SLC31A1: variants seen among roughly 807,000 people sequenced by gnomAD.
The protein encoded by SLC31A1 is solute carrier family 31 member 1.
In SLC31A1, 5 loss-of-function variants were observed where a neutral mutation model predicts 17.2. The observed-to-expected ratio is 0.29, with a 90% confidence interval of 0.15 to 0.61. The LOEUF is 0.61. Among genes scored for constraint, SLC31A1 ranks in the 20% least tolerant of loss-of-function variants. SLC31A1 has a pLI of 0.86. For synonymous variants in SLC31A1, 76 were observed against 78.8 expected, an observed-to-expected ratio of 0.96 and a Z score of 0.19; for missense variants, 161 against 241.4, an observed-to-expected ratio of 0.67 and a Z score of 2.21.
Position 113,264,431 on chromosome 9 carries a change from G to A in SLC31A1, c.*3958G>A, listed in dbSNP as rs1831832019. The stretch of plus-strand genomic sequence containing the variant: ...CCTGGAGAGCAGTATTGCTGTAGTA[G>A]GAATGTTTTAACAGTGTCATATGAA... On this transcript the variant is annotated 3_prime_UTR_variant, in exon 5 of 5. Transcript: ENST00000374212. The A allele has an allele frequency of 6.6e-6, 1 of 152,530 alleles. No individual in the cohort carries two copies. Among genetic ancestry groups the A allele is most frequent in the South Asian group, 2.1e-4 (1 of 4,826 alleles). The allele number at this position is 152,530 out of a possible 1,614,324, so 9.4% of individuals were successfully genotyped here.
intron 1 of SLC31A1, 148 bp from the exon 2 acceptor site, chr9:113,255,966 C>T (rs1416776763): frequency 1.8e-6 from 1 of 554,576 alleles, no homozygotes; most frequent in Non-Finnish European, 3.0e-6. Context: ...GTCAAAACTC[C>T]TGTACTGATC....
chr9:113,247,844 A>G (rs1415647374), intron 1 of SLC31A1, among the ~76,000 whole-genome samples: 2 of 152,210 alleles, frequency 1.3e-5, no homozygotes, highest in African/African-American at 4.8e-5. Context: ...ACAAGTTGGC[A>G]CATAGCCAAC....
intron 1 of SLC31A1, among the ~76,000 whole-genome samples, chr9:113,230,853 AC>A (rs1304091183): frequency 6.6e-6 from 1 of 152,044 alleles, no homozygotes; most frequent in Non-Finnish European, 1.5e-5. Flanking sequence ...TAACCTACTA[AC>A]TTTTCTTTTC....
At chr9:113,247,114 T>G (rs541895143) in intron 1 of SLC31A1, among the ~76,000 whole-genome samples, 1 of 152,346 alleles carries the variant, frequency 6.6e-6, no homozygotes, top group Admixed American at 6.5e-5. Flanking sequence ...GGTAGTGTAC[T>G]GTCTTTGACC....
intron 1 of SLC31A1, among the ~76,000 whole-genome samples, chr9:113,234,706 T>C (rs887493492): frequency 2.6e-5 from 4 of 152,086 alleles, no homozygotes; most frequent in African/African-American, 9.7e-5. Context: ...CCATAATTTT[T>C]ATTTTTACCC....
chr9:113,230,923 C>G (rs991815576), intron 1 of SLC31A1, among the ~76,000 whole-genome samples: 1 of 152,082 alleles, frequency 6.6e-6, no homozygotes, highest in African/African-American at 2.4e-5. Flanking sequence ...GTGAAATTTT[C>G]CCTGTTCAAT....
intron 1 of SLC31A1, among the ~76,000 whole-genome samples, chr9:113,246,551 C>T (rs1355219620): frequency 6.6e-6 from 1 of 151,964 alleles, no homozygotes; most frequent in Non-Finnish European, 1.5e-5. Flanking sequence ...CAAGGTTTCA[C>T]CATGCTAGCC....
intron 1 of SLC31A1, among the ~76,000 whole-genome samples, chr9:113,240,942 C>G (rs1831514713): frequency 6.6e-6 from 1 of 151,198 alleles, no homozygotes; most frequent in Non-Finnish European, 1.5e-5. Flanking sequence ...CCCAGCTACT[C>G]TGGAGGCTGA....
intron 1 of SLC31A1, among the ~76,000 whole-genome samples, chr9:113,232,612 A>G (rs890359037): frequency 1.3e-5 from 2 of 150,610 alleles, no homozygotes; most frequent in Non-Finnish European, 3.0e-5. Context: ...CGTGTGGATC[A>G]CCTGAGGTCA....
chr9:113,255,576 G>A (rs1030623553), intron 1 of SLC31A1, among the ~76,000 whole-genome samples: 1 of 152,060 alleles, frequency 6.6e-6, no homozygotes, highest in Admixed American at 6.6e-5. Context: ...AGCTGAGCGT[G>A]GTAGTGGTGC....
intron 1 of SLC31A1, among the ~76,000 whole-genome samples, chr9:113,253,099 A>G (rs1028422104): frequency 1.3e-5 from 2 of 151,372 alleles, no homozygotes; most frequent in Admixed American, 6.6e-5. Context: ...GACTACAGGC[A>G]CCCGCCACCA....
At chr9:113,255,523 C>T (rs995097681) in intron 1 of SLC31A1, among the ~76,000 whole-genome samples, 1 of 152,144 alleles carries the variant, frequency 6.6e-6, no homozygotes, top group Non-Finnish European at 1.5e-5. Context: ...CGAGACCTGC[C>T]TGGGCAACAC....
chr9:113,225,274 G>A lies in SLC31A1; in HGVS notation c.-36+3596G>A, dbSNP rs548498087. Among the ~76,000 whole-genome samples the A allele has an allele frequency of 7.2e-5, 11 of 152,334 alleles. 1 individual carries two copies. The East Asian group carries it at 1.5e-3, about 21-fold the overall frequency. ...TAAGAGTATAAGGCAACAGTTCACA[G>A]AAGAAAGTAATGGATTAAAATTGAA... On this transcript the variant is annotated intron_variant, in intron 1 of 4. Transcript: ENST00000374212.
At chr9:113,234,480 A>ATTTTTTT (rs869088669) in intron 1 of SLC31A1, among the ~76,000 whole-genome samples, 4 of 60,248 alleles carry the variant, frequency 6.6e-5, no homozygotes, top group East Asian at 1.0e-3. Context: ...CCTGGCCATC[A>ATTTTTTT]TTTTTTTTTT....
intron 1 of SLC31A1, among the ~76,000 whole-genome samples, chr9:113,230,565 G>T (rs745434322): frequency 4.6e-5 from 7 of 152,128 alleles, no homozygotes; most frequent in Non-Finnish European, 7.4e-5. Context: ...TGCCTGTTTT[G>T]TTTTTAATTA....
At chr9:113,252,735 C>T (rs1390421548) in intron 1 of SLC31A1, among the ~76,000 whole-genome samples, 2 of 152,092 alleles carry the variant, frequency 1.3e-5, no homozygotes, top group African/African-American at 4.8e-5. Flanking sequence ...TTCCTTTGGT[C>T]TTAAGAAGGC....
intron 1 of SLC31A1, among the ~76,000 whole-genome samples, chr9:113,239,142 A>C (rs1433399939): frequency 1.3e-5 from 2 of 152,236 alleles, no homozygotes; most frequent in East Asian, 3.9e-4. Context: ...GCTAGAAATT[A>C]GTAGAGCCGG....
At chr9:113,244,817 T>A (rs1303527882) in intron 1 of SLC31A1, among the ~76,000 whole-genome samples, 1 of 152,222 alleles carries the variant, frequency 6.6e-6, no homozygotes, top group East Asian at 1.9e-4. Context: ...ACTATCCTTG[T>A]AAGACTACAG....
At chr9:113,257,043 C>A (rs1831736584) in intron 2 of SLC31A1, 70 bp from the exon 3 acceptor site, 3 of 1,231,424 alleles carry the variant, frequency 2.4e-6, no homozygotes, top group Non-Finnish European at 1.2e-6. Context: ...ATGTTCTAAG[C>A]TTCTTTGCCC....
Sources: allele counts gnomAD v4.1 joint callset (sites outside exome capture counted in the v4.1 genomes callset), GRCh38; gene constraint gnomAD v4.1.1; transcripts MANE v1.5; gene names NCBI Gene and HGNC (gene_info 2026-07-23, HGNC 2026-07-21).